The following PDE9A variants were observed in gnomAD, a reference collection of about 807,000 sequenced individuals.
The protein encoded by PDE9A is high affinity cGMP-specific 3',5'-cyclic phosphodiesterase 9A.
A neutral mutation model predicts 87.4 loss-of-function variants in PDE9A; 60 were observed. That is an observed-to-expected ratio of 0.69 (90% CI 0.56 to 0.85). The LOEUF is 0.85. PDE9A is among the 40% of genes least tolerant of loss of function. PDE9A has a pLI of 0.00. For synonymous variants in PDE9A, 272 were observed against 279.4 expected, an observed-to-expected ratio of 0.97 and a Z score of 0.27; for missense variants, 665 against 779.0, an observed-to-expected ratio of 0.85 and a Z score of 1.74.
intron 4 of PDE9A, among the ~76,000 whole-genome samples, chr21:42,726,325 G>C (rs773771752): frequency 6.6e-6 from 1 of 151,896 alleles, no homozygotes; most frequent in African/African-American, 2.4e-5. Context: ...ATGAAGTCCA[G>C]TCTATCCATT....
chr21:42,769,347 G>GCACA (rs1048576315), intron 17 of PDE9A, among the ~76,000 whole-genome samples, 192 bp downstream of exon 17: 2 of 148,466 alleles, frequency 1.3e-5, no homozygotes, highest in African/African-American at 5.0e-5. Flanking sequence ...CTACACACAG[G>GCACA]CACACACACA....
intron 4 of PDE9A, among the ~76,000 whole-genome samples, chr21:42,715,885 G>GTACATTC (rs1602230276): frequency 1.4e-5 from 2 of 143,016 alleles, no homozygotes; most frequent in East Asian, 2.4e-4. Flanking sequence ...TCGGTTCACT[G>GTACATTC]CCTTCAAAAC....
chr21:42,698,508 G>T (rs1407772592), intron 3 of PDE9A, among the ~76,000 whole-genome samples: 2 of 151,506 alleles, frequency 1.3e-5, no homozygotes, highest in Non-Finnish European at 2.9e-5. Flanking sequence ...GGGGGAGGGG[G>T]GTTGACATCA....
At chr21:42,753,082 C>T (rs555005385) in intron 9 of PDE9A, among the ~76,000 whole-genome samples, 1 of 152,348 alleles carries the variant, frequency 6.6e-6, no homozygotes, top group East Asian at 1.9e-4. Flanking sequence ...TCTTGGCTCA[C>T]TGCAACCTCC....
In PDE9A at chr21:42,699,003, A is replaced by C. The variant is rs753861851; in HGVS notation, c.254A>C (p.Gln85Pro). 2 of 1,611,044 alleles carry C rather than the reference A, an allele frequency of 1.2e-6. No individual in the cohort carries two copies. Among genetic ancestry groups the C allele is most frequent in the African/African-American group, 2.7e-5 (2 of 74,874 alleles). ...PYKVRPVAIK[Q>P]LSAGVEDKRT... The stretch of plus-strand genomic sequence containing the variant: ...AAAGTGAGACCTGTGGCCATCAAGC[A>C]ACTCTCCGGTAAGGCCCTGCTGTCG... Residue 85 changes from glutamine to proline, a missense_variant, in exon 4 of 20, where the codon CAA (glutamine) becomes CCA (proline). By Grantham distance (76) the Gln-to-Pro change is moderately conservative. Transcript: ENST00000291539.
intron 10 of PDE9A, 125 bp downstream of exon 10, chr21:42,754,189 A>AT: frequency 1.6e-6 from 1 of 608,882 alleles, no homozygotes; most frequent in Non-Finnish European, 2.9e-6. Context: ...AAAGACTGAA[A>AT]AAAAAAAACA....
In PDE9A at chr21:42,739,498, C is replaced by A. The variant is rs2052875119; in HGVS notation, c.569-4278C>A. Among the ~76,000 whole-genome samples the A allele has an allele frequency of 6.6e-6, 1 of 152,242 alleles. No homozygotes were observed. The highest frequency in any genetic ancestry group is 2.1e-4 in the South Asian group (1 of 4,836). On this transcript the variant is annotated intron_variant, in intron 7 of 19. Transcript: ENST00000291539. The surrounding 1 kb of genome is among the most constrained non-coding windows in gnomAD (Gnocchi z 4.1). Reference sequence around the variant, plus strand: ...TGCCTCCTCCTGCAGACCTCCCCGCCAGCCCCGTCATTTCATGGCATCTTG... The same window carrying A: ...TGCCTCCTCCTGCAGACCTCCCCGCAAGCCCCGTCATTTCATGGCATCTTG...
At chr21:42,668,405 G>A (rs2058153771) in intron 1 of PDE9A, among the ~76,000 whole-genome samples, 1 of 152,186 alleles carries the variant, frequency 6.6e-6, no homozygotes, top group Admixed American at 6.5e-5. Context: ...AGAGGGGGTG[G>A]CGGAAGGGTC....
At position 42,770,846 on chromosome 21, in the gene PDE9A, G is replaced by A. The variant is rs544427537; in HGVS notation, c.1686+48G>A. On this transcript the variant is annotated intron_variant, in intron 18 of 19. Coordinates refer to ENST00000291539, the MANE Select transcript of PDE9A (RefSeq NM_002606.3). ...TGCCTTCCTTGCGGCAAGCAGGCAC[G>A]CTGCCCTCCGCACTCCCGACTCCAG... is the stretch of plus-strand genomic sequence containing the variant. 64 of 1,404,964 alleles carry A rather than the reference G, an allele frequency of 4.6e-5. No individual in the cohort carries two copies. In the East Asian group the frequency reaches 6.6e-4, roughly 15 times the overall value. 87.0% of individuals were successfully genotyped at this position (1,404,964 alleles called of 1,614,324 possible).
In PDE9A at chr21:42,688,004, T is replaced by C. The variant is rs1296231061; in HGVS notation, c.218+10T>C. 1 of 1,609,780 alleles carries C rather than the reference T, an allele frequency of 6.2e-7. No individual in the cohort carries two copies. Among genetic ancestry groups the C allele is most frequent in the Middle Eastern group, 1.7e-4 (1 of 6,058 alleles). On this transcript the variant is annotated intron_variant, in intron 3 of 19. Transcript: ENST00000291539. ...CCGCGAATTCAGAACGGTAAGAGGC[T>C]CCGGCCGCGCTCCTCGGGGTGTGCC...
At chr21:42,674,886 C>G (rs932142344) in intron 1 of PDE9A, among the ~76,000 whole-genome samples, 1 of 152,224 alleles carries the variant, frequency 6.6e-6, no homozygotes, top group African/African-American at 2.4e-5. Context: ...GCAGCATGCT[C>G]GTAGGCTGGT....
chr21:42,736,643 C>T (rs557155529), intron 7 of PDE9A, among the ~76,000 whole-genome samples: 1 of 152,314 alleles, frequency 6.6e-6, no homozygotes, highest in South Asian at 2.1e-4. Context: ...TGAGGGAGCT[C>T]ACCTCTCTAA....
Position 42,760,557 on chromosome 21 carries a change from C to G in PDE9A, c.1002+125C>G, listed in dbSNP as rs1045055954. On this transcript the variant is annotated intron_variant, in intron 12 of 19. Coordinates refer to ENST00000291539, the MANE Select transcript of PDE9A (RefSeq NM_002606.3). This position sits in a 1 kb window ranked among gnomAD's most constrained non-coding sequence, Gnocchi z 5.2. The stretch of plus-strand genomic sequence containing the variant: ...GGCGTGGGGTCCCCAGCCGCTCCGC[C>G]CCTCCTAGGGACGCACCCCTGCCCA... The G allele has an allele frequency of 1.5e-6, 1 of 662,950 alleles. No homozygotes were observed. The highest frequency in any genetic ancestry group is 2.7e-6 in the Non-Finnish European group (1 of 375,434). The allele number at this position is 662,950 out of a possible 1,614,324, so 41.1% of individuals were successfully genotyped here.
In PDE9A at chr21:42,702,890, G is replaced by A. The variant is rs990341331; in HGVS notation, c.262+3879G>A. ...GAGTGGCGTGGGCAGCTATTAGAAG[G>A]CTTTCAGGAGAGGAGTGACATCATC... On this transcript the variant is annotated intron_variant, in intron 4 of 19. Transcript: ENST00000291539. This position sits in a 1 kb window ranked among gnomAD's most constrained non-coding sequence, Gnocchi z 4.9. Among the ~76,000 whole-genome samples the A allele has an allele frequency of 1.3e-5, 2 of 152,256 alleles. No homozygotes were observed. Among genetic ancestry groups the A allele is most frequent in the African/African-American group, 4.8e-5 (2 of 41,468 alleles).
chr21:42,663,051 G>A (rs570498385), intron 1 of PDE9A, among the ~76,000 whole-genome samples: 7 of 122,384 alleles, frequency 5.7e-5, no homozygotes, highest in Admixed American at 4.0e-4. Flanking sequence ...TCACATACAT[G>A]CACACACCAC....
intron 6 of PDE9A, among the ~76,000 whole-genome samples, chr21:42,732,693 T>C (rs962337452): frequency 6.6e-6 from 1 of 152,200 alleles, no homozygotes; most frequent in Non-Finnish European, 1.5e-5. Flanking sequence ...GGCGGGCAGA[T>C]CACCTGAGGT....
intron 3 of PDE9A, among the ~76,000 whole-genome samples, chr21:42,690,321 T>G (rs753087300): frequency 1.3e-5 from 2 of 151,710 alleles, no homozygotes; most frequent in Non-Finnish European, 2.9e-5. Context: ...GATAGATGCA[T>G]AGGGTGTGGA....
intron 4 of PDE9A, among the ~76,000 whole-genome samples, chr21:42,728,157 A>T (rs2051335545): frequency 6.6e-6 from 1 of 152,366 alleles, no homozygotes; most frequent in East Asian, 1.9e-4. Flanking sequence ...TAGGTATTCT[A>T]AGTAATCTAG....
At chr21:42,770,467 C>A (rs575012220) in intron 17 of PDE9A, among the ~76,000 whole-genome samples, 69 of 152,264 alleles carry the variant, frequency 4.5e-4, no homozygotes, top group African/African-American at 1.6e-3. Context: ...CCTCATCTCA[C>A]GGGCACGGGG....
Sources: gnomAD v4.1 joint callset for allele counts (sites outside exome capture counted in the v4.1 genomes callset) on GRCh38, gnomAD v4.1.1 for gene constraint, Gnocchi (gnomAD v3.1) non-coding constraint, MANE v1.5 for transcripts, NCBI Gene and HGNC (gene_info 2026-07-23, HGNC 2026-07-21) for gene names.